GTF3C2: variants seen among roughly 807,000 people sequenced by gnomAD.
GTF3C2 encodes general transcription factor 3C polypeptide 2.
In GTF3C2, 17 loss-of-function variants were observed where a neutral mutation model predicts 117.4. The ratio of observed to expected loss-of-function variants is 0.14; its 90% CI spans 0.10 to 0.22. GTF3C2 has a LOEUF of 0.22. Ranked by LOEUF, GTF3C2 falls within the 10% of genes least tolerant of loss-of-function variation. The probability of loss-of-function intolerance (pLI) is 1.00; values close to 1 mark genes in which losing one functional copy is unlikely to be tolerated. For missense variants in GTF3C2, 888 were observed against 1,143.6 expected (o/e 0.78, Z 3.22); for synonymous variants, 437 against 427.0 (o/e 1.02, Z -0.29).
At chr2:27,341,819 C>A in intron 4 of GTF3C2, 129 bp downstream of exon 4, 1 of 743,196 alleles carries the variant, frequency 1.3e-6, no homozygotes, top group Non-Finnish European at 2.2e-6. Context: ...TGGAAATGGA[C>A]CCTTTTTTCT....
intron 1 of GTF3C2, among the ~76,000 whole-genome samples, chr2:27,344,721 T>C (rs940270496): frequency 1.3e-5 from 2 of 152,226 alleles, no homozygotes; most frequent in African/African-American, 2.4e-5. Context: ...GGATGGCTCA[T>C]GCCTGTAATT....
chr2:27,342,490 C>T, intron 3 of GTF3C2: 2 of 544,234 alleles, frequency 3.7e-6, no homozygotes, highest in Non-Finnish European at 6.5e-6. Context: ...ATTTTTCATC[C>T]TACCACAGTC....
At chr2:27,335,424 AAAAG>A (rs771774426) in intron 10 of GTF3C2, 170 bp downstream of exon 10, 24 of 713,396 alleles carry the variant, frequency 3.4e-5, no homozygotes, top group Non-Finnish European at 6.0e-5. Context: ...GTAAGACTGC[AAAAG>A]AGAGAGGGCT....
intron 1 of GTF3C2, among the ~76,000 whole-genome samples, chr2:27,349,394 G>T (rs1170515753): frequency 1.3e-5 from 2 of 151,702 alleles, no homozygotes; most frequent in African/African-American, 4.8e-5. Context: ...TGATCCGCCC[G>T]CCGCGGCCTC....
At chr2:27,343,686 C>T (rs1420256324) in intron 1 of GTF3C2, 108 bp from the exon 2 acceptor site, 1 of 866,594 alleles carries the variant, frequency 1.2e-6, no homozygotes, top group African/African-American at 1.7e-5. Flanking sequence ...TAACCAAGTT[C>T]CCTGATTATT....
Position 27,342,268 on chromosome 2 carries a change from A to G in GTF3C2, c.570-35T>C, listed in dbSNP as rs767627470. 1.9e-5 allele frequency: 29 copies of G among 1,558,582 alleles called. No homozygotes were observed. In the South Asian group the frequency reaches 2.9e-4, roughly 15 times the overall value. On this transcript the variant is annotated intron_variant, in intron 3 of 18. Coordinates refer to ENST00000264720, the Ensembl canonical transcript of GTF3C2. ...CGGACAGAGTCAGAGCCATTCTCAC[A>G]TATGACTGAGAACCCACGTTTCCAG...
intron 2 of GTF3C2, 63 bp from the exon 3 acceptor site, chr2:27,343,210 A>G (rs1170203736): frequency 6.6e-7 from 1 of 1,507,222 alleles, no homozygotes; most frequent in Non-Finnish European, 9.0e-7. Context: ...GGAAAAGATT[A>G]CACTGTACCC....
intron 1 of GTF3C2, among the ~76,000 whole-genome samples, chr2:27,349,678 G>C (rs528639766): frequency 6.6e-6 from 1 of 151,536 alleles, no homozygotes; most frequent in Admixed American, 6.6e-5. Flanking sequence ...TCTCTCTGTT[G>C]CCCAGGCTGG....
At chr2:27,335,572 C>A in intron 10 of GTF3C2, 26 bp downstream of exon 10, 1 of 1,280,788 alleles carries the variant, frequency 7.8e-7, no homozygotes, top group Non-Finnish European at 1.1e-6. Context: ...CTACAGCAGC[C>A]CCATTCTCCT....
exon 10 of GTF3C2, chr2:27,335,616 G>C (rs771818393): frequency 1.3e-5 from 20 of 1,550,082 alleles, no homozygotes; most frequent in Non-Finnish European, 1.6e-5. Flanking sequence ...TGCTGAGCCA[G>C]CAGGGCCTCC....
At chr2:27,345,715 C>G (rs1680893727) in intron 1 of GTF3C2, among the ~76,000 whole-genome samples, 1 of 140,020 alleles carries the variant, frequency 7.1e-6, no homozygotes, top group South Asian at 2.3e-4. Flanking sequence ...AAAGCTTTTC[C>G]TTTTTTTTTT....
rs1243728111 is a variant in GTF3C2, at chr2:27,337,358, G to C, written c.1029-16C>G. The C allele has an allele frequency of 1.9e-6, 3 of 1,566,140 alleles. No individual in the cohort carries two copies. In the South Asian group the frequency reaches 3.3e-5, roughly 17 times the overall value. On this transcript the variant is annotated splice_polypyrimidine_tract_variant and intron_variant, in intron 6 of 18. Coordinates refer to ENST00000264720, the Ensembl canonical transcript of GTF3C2. ...AGCGGCCTCACTGGGGGAAGACAAA[G>C]GGAACAGTCTAAATTTGGAAGTGTT...
At chr2:27,346,328 ACCTTTTTTTTTTTTTTTTTT>A (rs1680914531) in intron 1 of GTF3C2, among the ~76,000 whole-genome samples, 1 of 105,236 alleles carries the variant, frequency 9.5e-6, no homozygotes, top group African/African-American at 3.4e-5. Context: ...CCATTCTGAT[ACCTTTTTTTTTTTTTTTTTT>A]TTTTTTTTTT....
intron 4 of GTF3C2, chr2:27,341,710 G>C: frequency 1.9e-6 from 1 of 519,642 alleles, no homozygotes; most frequent in Non-Finnish European, 3.4e-6. Context: ...ATTTACGTTT[G>C]TTGTGTTTCC....
intron 1 of GTF3C2, among the ~76,000 whole-genome samples, chr2:27,345,715 CTTT>C (rs747679500): frequency 7.1e-5 from 10 of 139,974 alleles, no homozygotes; most frequent in Admixed American, 7.2e-5. Context: ...AAAGCTTTTC[CTTT>C]TTTTTTTTTT....
At chr2:27,338,298 C>G (rs988660302) in intron 4 of GTF3C2, 1 of 403,320 alleles carries the variant, frequency 2.5e-6, no homozygotes, top group Non-Finnish European at 4.6e-6. Context: ...CCTTATGCCT[C>G]TTTGAAACTC....
At chr2:27,332,451 GTCC>G (rs764808892) in intron 12 of GTF3C2, among the ~76,000 whole-genome samples, 1 of 150,810 alleles carries the variant, frequency 6.6e-6, no homozygotes, top group Non-Finnish European at 1.5e-5. Context: ...GTCTCGCTCT[GTCC>G]TCCAGGCTAG....
chr2:27,351,249 T>TA (rs1424797726), intron 1 of GTF3C2, among the ~76,000 whole-genome samples: 1 of 151,788 alleles, frequency 6.6e-6, no homozygotes, highest in Admixed American at 6.6e-5. Flanking sequence ...TCGTCTCTAC[T>TA]AAAAACACAA....
chr2:27,352,108 CTGTA>C (rs1681160516), intron 1 of GTF3C2, among the ~76,000 whole-genome samples: 1 of 152,194 alleles, frequency 6.6e-6, no homozygotes, highest in Admixed American at 6.6e-5. Flanking sequence ...TCCAATTTCT[CTGTA>C]TGTCAGCCAC....
Sources: allele counts gnomAD v4.1 joint callset (sites outside exome capture counted in the v4.1 genomes callset), GRCh38; gene constraint gnomAD v4.1.1; transcripts MANE v1.5; gene names NCBI Gene and HGNC (gene_info 2026-07-23, HGNC 2026-07-21).